EYS: variants seen among roughly 807,000 people sequenced by gnomAD.
EYS encodes the protein EGF-like photoreceptor maintenance factor.
In EYS, 250 loss-of-function variants were observed where a neutral mutation model predicts 282.1. The ratio of observed to expected loss-of-function variants is 0.89; its 90% CI spans 0.80 to 0.98. EYS has a LOEUF of 0.98. Ranked by LOEUF, EYS falls within the 50% of genes least tolerant of loss-of-function variation. The pLI is 0.00. For missense variants in EYS, 4,016 were observed against 3,709.0 expected, an observed-to-expected ratio of 1.08 and a Z score of -2.15; for synonymous variants, 1,355 against 1,282.9, an observed-to-expected ratio of 1.06 and a Z score of -1.20.
At chr6:64,342,494 A>C (rs994520705) in intron 29 of EYS, among the ~76,000 whole-genome samples, 1 of 151,882 alleles carries the variant, frequency 6.6e-6, no homozygotes, top group Non-Finnish European at 1.5e-5. Flanking sequence ...GAAATAAAAT[A>C]CTTTACAAAC....
intron 35 of EYS, among the ~76,000 whole-genome samples, chr6:63,920,231 G>A (rs1418963706): frequency 3.3e-5 from 5 of 151,874 alleles, no homozygotes; most frequent in Admixed American, 1.3e-4. Context: ...CTGCTCCACA[G>A]GTCTGTTATT....
At chr6:63,725,602 C>A (rs1252238840) in intron 42 of EYS, among the ~76,000 whole-genome samples, 1 of 152,038 alleles carries the variant, frequency 6.6e-6, no homozygotes, top group Admixed American at 6.6e-5. Context: ...GAACAAATTT[C>A]TTCTGAGCTG....
intron 31 of EYS, among the ~76,000 whole-genome samples, chr6:64,173,517 C>T (rs1159762060): frequency 6.6e-6 from 1 of 152,112 alleles, no homozygotes; most frequent in African/African-American, 2.4e-5. Context: ...GATTCCCTCC[C>T]TCTATCCGCT....
chr6:65,366,606 T>G lies in EYS; in HGVS notation c.1300-12989A>C, dbSNP rs1764921878. 1.3e-5 allele frequency among the ~76,000 whole-genome samples: 2 copies of G among 151,764 alleles called. 1 individual carries two copies. The highest frequency in any genetic ancestry group is 1.3e-4 in the Admixed American group (2 of 14,982). On this transcript the variant is annotated intron_variant, in intron 8 of 42. Coordinates refer to ENST00000503581, the MANE Select transcript of EYS (RefSeq NM_001142800.2). ...GCTAGCAAGTTTACTTTGGTGTAAA[T>G]TTTAAAATAAAATTTCTTGAAGCCT...
intron 26 of EYS, among the ~76,000 whole-genome samples, chr6:64,569,037 A>AAG (rs1396454933): frequency 3.3e-5 from 5 of 151,208 alleles, no homozygotes; most frequent in African/African-American, 1.2e-4. Context: ...AAAAAAAAAA[A>AAG]AAAAAAACAG....
intron 12 of EYS, among the ~76,000 whole-genome samples, chr6:65,098,349 C>A (rs924394189): frequency 6.6e-6 from 1 of 150,686 alleles, no homozygotes; most frequent in South Asian, 2.1e-4. Context: ...GAAGCAAATT[C>A]TGTGCTTGAG....
chr6:63,999,259 A>G, intron 33 of EYS, 76 bp from the exon 34 acceptor site: 1 of 901,826 alleles, frequency 1.1e-6, no homozygotes, highest in Non-Finnish European at 1.8e-6. Flanking sequence ...ATGGATAGTA[A>G]GTACTTCTTC....
At chr6:63,771,145 A>G (rs1190741984) in intron 40 of EYS, among the ~76,000 whole-genome samples, 1 of 152,150 alleles carries the variant, frequency 6.6e-6, no homozygotes, top group African/African-American at 2.4e-5. Flanking sequence ...TCTTTGGGAA[A>G]CTACATGAGC....
chr6:64,828,246 C>T (rs890981073), intron 19 of EYS, among the ~76,000 whole-genome samples: 1 of 151,760 alleles, frequency 6.6e-6, no homozygotes, highest in Admixed American at 6.6e-5. Context: ...CAGAAAAGAG[C>T]TTCTAAGACA....
At chr6:64,850,016 T>C (rs1765834118) in intron 19 of EYS, among the ~76,000 whole-genome samples, 1 of 152,044 alleles carries the variant, frequency 6.6e-6, no homozygotes, top group Non-Finnish European at 1.5e-5. Flanking sequence ...GCAGTATTTA[T>C]GGAAGTCATT....
At chr6:64,495,563 T>G (rs1228125668) in intron 26 of EYS, among the ~76,000 whole-genome samples, 1 of 151,862 alleles carries the variant, frequency 6.6e-6, no homozygotes, top group Non-Finnish European at 1.5e-5. Flanking sequence ...AAATTAGACG[T>G]GTGCTGTGCT....
intron 31 of EYS, among the ~76,000 whole-genome samples, chr6:64,207,385 T>A (rs1765642257): frequency 6.6e-6 from 1 of 152,106 alleles, no homozygotes; most frequent in Non-Finnish European, 1.5e-5. Flanking sequence ...ATAAATCTCT[T>A]TTCTTTATAA....
At chr6:64,149,381 A>C (rs111455217) in intron 31 of EYS, among the ~76,000 whole-genome samples, 1,561 of 152,320 alleles carry the variant, frequency 0.01, 27 homozygotes, top group African/African-American at 0.036. Flanking sequence ...AGACGCGATG[A>C]AGAGGCTCAC....
At chr6:65,249,128 A>G (rs1582062277) in intron 12 of EYS, among the ~76,000 whole-genome samples, 1 of 151,852 alleles carries the variant, frequency 6.6e-6, no homozygotes, top group East Asian at 1.9e-4. Flanking sequence ...TGAGAGTAAT[A>G]AGAACAAAGT....
chr6:65,252,511 G>T lies in EYS; in HGVS notation c.2023+43352C>A, dbSNP rs1037517227. Among the ~76,000 whole-genome samples, 4 of 151,868 alleles carry T rather than the reference G, an allele frequency of 2.6e-5. No homozygotes were observed. The East Asian group carries it at 7.7e-4, about 29-fold the overall frequency. On this transcript the variant is annotated intron_variant, in intron 12 of 42. Coordinates refer to ENST00000503581, the MANE Select transcript of EYS (RefSeq NM_001142800.2). ...AATAAAATGCATATATCCTCAATAGGATTTAAATAAGATCCAGCGTCTCAT... is the reference window on the plus strand; with the variant it reads ...AATAAAATGCATATATCCTCAATAGTATTTAAATAAGATCCAGCGTCTCAT...
chr6:64,199,862 A>G (rs1209292566), intron 31 of EYS, among the ~76,000 whole-genome samples: 2 of 152,196 alleles, frequency 1.3e-5, no homozygotes, highest in Non-Finnish European at 2.9e-5. Context: ...AACTGTGTCC[A>G]CACAAAATTG....
At chr6:64,955,161 G>C (rs1448117518) in intron 14 of EYS, among the ~76,000 whole-genome samples, 1 of 151,782 alleles carries the variant, frequency 6.6e-6, no homozygotes, top group African/African-American at 2.4e-5. Context: ...GTCCAGCCTA[G>C]GTGACAGAGT....
At chr6:64,758,494 C>A (rs1223964789) in intron 22 of EYS, among the ~76,000 whole-genome samples, 1 of 152,082 alleles carries the variant, frequency 6.6e-6, no homozygotes, top group Non-Finnish European at 1.5e-5. Flanking sequence ...GAGTTTACGA[C>A]AATCCTCTCT....
At chr6:64,506,041 G>C (rs1777198477) in intron 26 of EYS, among the ~76,000 whole-genome samples, 1 of 152,128 alleles carries the variant, frequency 6.6e-6, no homozygotes, top group Non-Finnish European at 1.5e-5. Flanking sequence ...AATTGGGAAA[G>C]TCATGCAATC....
Sources: allele counts gnomAD v4.1 joint callset (sites outside exome capture counted in the v4.1 genomes callset), GRCh38; gene constraint gnomAD v4.1.1; transcripts MANE v1.5; gene names NCBI Gene and HGNC (gene_info 2026-07-23, HGNC 2026-07-21).